The following DAB1 variants were observed in gnomAD, a reference collection of about 807,000 sequenced individuals.
DAB1 encodes DAB adaptor protein 1, also known as disabled homolog 1.
Under a neutral mutation model 64.6 loss-of-function variants are expected in DAB1, and 15 were observed. The ratio of observed to expected loss-of-function variants is 0.23; its 90% CI spans 0.16 to 0.36. The LOEUF is 0.36. Among genes scored for constraint, DAB1 ranks in the 10% least tolerant of loss-of-function variants. The probability of loss-of-function intolerance (pLI) is 1.00; values close to 1 mark genes in which losing one functional copy is unlikely to be tolerated. For missense variants in DAB1, 596 were observed against 706.7 expected, an observed-to-expected ratio of 0.84 and a Z score of 1.78; for synonymous variants, 235 against 251.9, an observed-to-expected ratio of 0.93 and a Z score of 0.64.
intron 5 of DAB1, among the ~76,000 whole-genome samples, chr1:58,058,616 C>T (rs896403741): frequency 6.6e-6 from 1 of 152,124 alleles, no homozygotes; most frequent in Non-Finnish European, 1.5e-5. Flanking sequence ...CCCGCTGGAA[C>T]TACAGGAGTG....
chr1:57,841,254 C>T (rs1375060113), intron 1 of DAB1, among the ~76,000 whole-genome samples: 4 of 152,222 alleles, frequency 2.6e-5, no homozygotes, highest in African/African-American at 9.6e-5. Context: ...ACACCTCTGC[C>T]TCTGTGACTC....
chr1:58,112,411 G>C (rs1652024808), intron 5 of DAB1, among the ~76,000 whole-genome samples: 1 of 152,192 alleles, frequency 6.6e-6, no homozygotes, highest in South Asian at 2.1e-4. Context: ...TGCATGAATA[G>C]ATGTTTTCCC....
chr1:58,289,672 G>C (rs1661769303), intron 4 of DAB1, among the ~76,000 whole-genome samples: 1 of 152,188 alleles, frequency 6.6e-6, no homozygotes, highest in African/African-American at 2.4e-5. Context: ...TAGGAGTCTT[G>C]TGATGATTTA....
chr1:57,788,270 C>T (rs1032317211), intron 6 of DAB1, among the ~76,000 whole-genome samples: 2 of 152,138 alleles, frequency 1.3e-5, no homozygotes, highest in African/African-American at 2.4e-5. Context: ...GGAAACAATG[C>T]AAGTGTCTAT....
rs1645615790 is a variant in DAB1, at chr1:56,996,371, C to T, written c.*1773G>A. ...ACATACTGTAACTGCATAGGAACAT[C>T]AGGAAAACACACTTGACCTGTATAA... On this transcript the variant is annotated 3_prime_UTR_variant, in exon 15 of 15. Transcript: ENST00000371236. 1 of 152,138 alleles carries T rather than the reference C, an allele frequency of 6.6e-6. No individual in the cohort carries two copies. Among genetic ancestry groups the T allele is most frequent in the African/African-American group, 2.4e-5 (1 of 41,428 alleles). 9.4% of individuals were successfully genotyped at this position (152,138 alleles called of 1,614,324 possible).
At chr1:57,765,101 G>GGTGGGTA (rs1649252570) in intron 6 of DAB1, among the ~76,000 whole-genome samples, 1 of 152,118 alleles carries the variant, frequency 6.6e-6, no homozygotes, top group Non-Finnish European at 1.5e-5. Flanking sequence ...CAGCACCACA[G>GGTGGGTA]CAGACATTCA....
At chr1:57,570,582 C>A (rs1260043438) in intron 7 of DAB1, among the ~76,000 whole-genome samples, 1 of 152,078 alleles carries the variant, frequency 6.6e-6, no homozygotes, top group East Asian at 1.9e-4. Flanking sequence ...TATTGCCTTA[C>A]AGTATAGTTT....
intron 6 of DAB1, among the ~76,000 whole-genome samples, chr1:57,684,335 G>A (rs1646669859): frequency 1.3e-5 from 2 of 151,890 alleles, no homozygotes; most frequent in Admixed American, 6.6e-5. Context: ...ATTCACTAAG[G>A]TCAATGCAAA....
chr1:58,414,743 C>T (rs1054453767), intron 3 of DAB1, among the ~76,000 whole-genome samples: 4 of 150,720 alleles, frequency 2.7e-5, no homozygotes, highest in Non-Finnish European at 4.4e-5. Flanking sequence ...AAGAAACTTG[C>T]ACAAGGTCAC....
chr1:57,254,777 A>G (rs1669631700), intron 2 of DAB1, among the ~76,000 whole-genome samples: 2 of 152,182 alleles, frequency 1.3e-5, no homozygotes, highest in African/African-American at 4.8e-5. Context: ...TATAAAAAAA[A>G]GGTATAGAGA....
chr1:57,654,929 T>G (rs891860691), intron 6 of DAB1, among the ~76,000 whole-genome samples: 105 of 152,222 alleles, frequency 6.9e-4, no homozygotes, highest in African/African-American at 2.3e-3. Flanking sequence ...TGGTACTATT[T>G]ATATAATATA....
chr1:58,479,537 ACACTG>A (rs1238745244), intron 3 of DAB1, among the ~76,000 whole-genome samples: 1 of 152,190 alleles, frequency 6.6e-6, no homozygotes, highest in Non-Finnish European at 1.5e-5. Flanking sequence ...CTACTCTCCT[ACACTG>A]CCTCATCTAT....
At chr1:57,391,655 C>A (rs1682364481) in intron 1 of DAB1, among the ~76,000 whole-genome samples, 1 of 152,102 alleles carries the variant, frequency 6.6e-6, no homozygotes, top group Non-Finnish European at 1.5e-5. Flanking sequence ...CACGACCCCA[C>A]AAATGTGTCT....
intron 2 of DAB1, among the ~76,000 whole-genome samples, chr1:57,269,562 C>T (rs1029937473): frequency 6.6e-6 from 1 of 152,086 alleles, no homozygotes; most frequent in African/African-American, 2.4e-5. Flanking sequence ...TGTCCAGGGG[C>T]GTCTCTGCTT....
At chr1:57,172,150 C>A (rs987440089) in intron 2 of DAB1, among the ~76,000 whole-genome samples, 1 of 152,102 alleles carries the variant, frequency 6.6e-6, no homozygotes, top group African/African-American at 2.4e-5. Flanking sequence ...ATCTGTGTGT[C>A]CAAATTTCAC....
intron 4 of DAB1, among the ~76,000 whole-genome samples, chr1:57,084,025 T>C (rs1265634441): frequency 6.6e-6 from 1 of 152,232 alleles, no homozygotes; most frequent in African/African-American, 2.4e-5. Flanking sequence ...GCTCAAATAT[T>C]CTGCTATCCA....
At chr1:57,801,956 C>A (rs1048585323) in intron 6 of DAB1, among the ~76,000 whole-genome samples, 2 of 152,118 alleles carry the variant, frequency 1.3e-5, no homozygotes, top group African/African-American at 2.4e-5. Context: ...CTGCACCGGG[C>A]AGAATATTAT....
chr1:57,759,606 T>C (rs900803748), intron 6 of DAB1, among the ~76,000 whole-genome samples: 1 of 152,180 alleles, frequency 6.6e-6, no homozygotes, highest in Admixed American at 6.6e-5. Flanking sequence ...ATCTGCATTG[T>C]TTCATTTTGT....
chr1:57,461,618 G>C (rs530515673), intron 7 of DAB1, among the ~76,000 whole-genome samples: 117 of 152,298 alleles, frequency 7.7e-4, no homozygotes, highest in African/African-American at 2.2e-3. Context: ...GTTTGCCCAG[G>C]CTGCGCCCTC....
Sources: gnomAD v4.1 joint callset for allele counts (sites outside exome capture counted in the v4.1 genomes callset) on GRCh38, gnomAD v4.1.1 for gene constraint, MANE v1.5 for transcripts, NCBI Gene and HGNC (gene_info 2026-07-23, HGNC 2026-07-21) for gene names.